SYN2: variants seen among roughly 807,000 people sequenced by gnomAD.
The protein encoded by SYN2 is synapsin II, also known as synapsin-2.
SYN2 carries 19 observed loss-of-function variants against 50.9 expected under a neutral mutation model. That is an observed-to-expected ratio of 0.37 (90% CI 0.26 to 0.55). SYN2 has a LOEUF of 0.55. Ranked by LOEUF, SYN2 falls within the 20% of genes least tolerant of loss-of-function variation. The pLI, the probability that SYN2 is intolerant of heterozygous loss-of-function variation, is 0.81. For missense variants in SYN2, 587 were observed against 576.4 expected (o/e 1.02, Z -0.19); for synonymous variants, 255 against 224.9 (o/e 1.13, Z -1.20).
intron 1 of SYN2, among the ~76,000 whole-genome samples, chr3:12,087,277 C>T (rs1296143312): frequency 1.3e-5 from 2 of 152,056 alleles, no homozygotes; most frequent in Non-Finnish European, 2.9e-5. Flanking sequence ...GTTAAAATAT[C>T]TGTATTACCC....
chr3:12,066,344 A>C (rs944697644), intron 1 of SYN2, among the ~76,000 whole-genome samples: 1 of 152,150 alleles, frequency 6.6e-6, no homozygotes, highest in Non-Finnish European at 1.5e-5. Flanking sequence ...AAATAAAATT[A>C]AAAAAATGAA....
intron 1 of SYN2, among the ~76,000 whole-genome samples, chr3:12,014,125 CTG>C (rs1202881988): frequency 6.6e-6 from 1 of 152,186 alleles, no homozygotes; most frequent in African/African-American, 2.4e-5. Context: ...ACACAATGGT[CTG>C]TTTATGTGTC....
At chr3:12,111,451 T>C (rs944173831) in intron 1 of SYN2, among the ~76,000 whole-genome samples, 1 of 152,224 alleles carries the variant, frequency 6.6e-6, no homozygotes, top group Non-Finnish European at 1.5e-5. Context: ...ATCTGTCATT[T>C]TGACCCTCAA....
chr3:12,106,647 A>G (rs1341877256), intron 1 of SYN2, among the ~76,000 whole-genome samples: 1 of 152,218 alleles, frequency 6.6e-6, no homozygotes, highest in Non-Finnish European at 1.5e-5. Context: ...CCTAGTCTCT[A>G]GCATAGTATA....
intron 3 of SYN2, among the ~76,000 whole-genome samples, chr3:12,142,841 C>T (rs967980416): frequency 1.3e-5 from 2 of 152,194 alleles, no homozygotes; most frequent in Non-Finnish European, 2.9e-5. Context: ...ACCTGACAGG[C>T]TTCCAGTGTC....
chr3:12,034,034 T>G (rs1421551520), intron 1 of SYN2, among the ~76,000 whole-genome samples: 2 of 152,232 alleles, frequency 1.3e-5, no homozygotes, highest in Non-Finnish European at 1.5e-5. Flanking sequence ...TTCAGTTCTT[T>G]TAGGTATATC....
rs144802839 is a variant in SYN2 at position 12,185,424 on chromosome 3, T to C, written c.1370-1945T>C. The stretch of plus-strand genomic sequence containing the variant: ...CTACAGGGTGGTGTCAGTCAAGGTC[T>C]TTCAGGTGGGGGAGAAATTGGTTAG... On this transcript the variant is annotated intron_variant, in intron 11 of 12. Coordinates refer to ENST00000621198, the MANE Select transcript of SYN2 (RefSeq NM_133625.6). 2.7e-5 allele frequency: 27 copies of C among 985,824 alleles called. No individual in the cohort carries two copies. In the African/African-American group the frequency reaches 4.2e-4, roughly 15 times the overall value. 61.1% of individuals were successfully genotyped at this position (985,824 alleles called of 1,614,324 possible).
intron 2 of SYN2, among the ~76,000 whole-genome samples, chr3:12,141,205 T>G (rs1219386387): frequency 1.3e-5 from 2 of 152,154 alleles, no homozygotes; most frequent in African/African-American, 2.4e-5. Flanking sequence ...CCAATTTTTT[T>G]TTTTTTTTTA....
intron 1 of SYN2, among the ~76,000 whole-genome samples, chr3:12,135,748 C>G (rs887354336): frequency 2.6e-5 from 4 of 152,172 alleles, no homozygotes; most frequent in Admixed American, 1.3e-4. Context: ...AGGCTCTGTC[C>G]TGAGGGTGCT....
chr3:12,116,876 G>C (rs574869202), intron 1 of SYN2, among the ~76,000 whole-genome samples: 2 of 152,044 alleles, frequency 1.3e-5, no homozygotes, highest in Non-Finnish European at 1.5e-5. Context: ...TCAGCCTCAC[G>C]AGTAGGTGGG....
chr3:12,062,173 A>G (rs903690802), intron 1 of SYN2, among the ~76,000 whole-genome samples: 3 of 152,062 alleles, frequency 2.0e-5, no homozygotes, highest in Non-Finnish European at 4.4e-5. Flanking sequence ...ATATGAAACA[A>G]TAGATCTATT....
At chr3:12,049,970 G>T (rs1694820155) in intron 1 of SYN2, among the ~76,000 whole-genome samples, 1 of 152,078 alleles carries the variant, frequency 6.6e-6, no homozygotes, top group Non-Finnish European at 1.5e-5. Flanking sequence ...TTTTGAGGGG[G>T]CTCACTGCAA....
chr3:12,105,742 A>G (rs1429125418), intron 1 of SYN2, among the ~76,000 whole-genome samples: 2 of 151,964 alleles, frequency 1.3e-5, no homozygotes, highest in African/African-American at 4.8e-5. Flanking sequence ...TTCCCTCTCA[A>G]TTCACGGCAA....
chr3:12,119,247 T>C (rs569567612), intron 1 of SYN2, among the ~76,000 whole-genome samples: 5 of 152,184 alleles, frequency 3.3e-5, no homozygotes, highest in Admixed American at 6.5e-5. Flanking sequence ...TAACAACTCT[T>C]CTGGCCACTA....
chr3:12,182,180 A>G (rs1253202833), intron 10 of SYN2, among the ~76,000 whole-genome samples: 1 of 152,212 alleles, frequency 6.6e-6, no homozygotes, highest in East Asian at 1.9e-4. Context: ...AATGGCCAGA[A>G]TGGGATGTCC....
intron 4 of SYN2, 117 bp downstream of exon 4, chr3:12,145,952 T>C: frequency 7.0e-7 from 1 of 1,428,496 alleles, no homozygotes; most frequent in South Asian, 1.3e-5. Flanking sequence ...TCCCTACATC[T>C]TCCAGGCCCC....
intron 1 of SYN2, among the ~76,000 whole-genome samples, chr3:12,077,248 ACT>A (rs1386641118): frequency 3.3e-5 from 5 of 151,956 alleles, no homozygotes; most frequent in African/African-American, 1.2e-4. Context: ...TATAAGAATA[ACT>A]CTAAGCATGG....
At chr3:12,123,391 T>C (rs185642543) in intron 1 of SYN2, among the ~76,000 whole-genome samples, 1 of 152,188 alleles carries the variant, frequency 6.6e-6, no homozygotes, top group Admixed American at 6.5e-5. Flanking sequence ...AGGGGCAAAA[T>C]AGGCAAAGGA....
At chr3:12,084,675 G>T (rs987362134) in intron 1 of SYN2, among the ~76,000 whole-genome samples, 6 of 152,146 alleles carry the variant, frequency 3.9e-5, no homozygotes, top group Non-Finnish European at 7.4e-5. Flanking sequence ...TCTCTTATAT[G>T]AAGGTTGAAA....
Sources: gnomAD v4.1 joint callset for allele counts (sites outside exome capture counted in the v4.1 genomes callset) on GRCh38, gnomAD v4.1.1 for gene constraint, MANE v1.5 for transcripts, NCBI Gene and HGNC (gene_info 2026-07-23, HGNC 2026-07-21) for gene names.